The following TGFBR2 variants were observed in gnomAD, a reference collection of about 807,000 sequenced individuals.
TGFBR2 encodes TGF-beta receptor type-2.
TGFBR2 carries 18 observed loss-of-function variants against 49.0 expected under a neutral mutation model. That is an observed-to-expected ratio of 0.37 (90% CI 0.25 to 0.54). The LOEUF (loss-of-function observed/expected upper bound fraction) is 0.54, where lower values mean the gene tolerates loss of function less well. Among genes scored for constraint, TGFBR2 ranks in the 20% least tolerant of loss-of-function variants. TGFBR2 has a pLI of 0.85. For missense variants in TGFBR2, 525 were observed against 722.6 expected (o/e 0.73, Z 3.13); for synonymous variants, 282 against 275.9 (o/e 1.02, Z -0.22).
intron 3 of TGFBR2, among the ~76,000 whole-genome samples, chr3:30,667,142 G>C (rs1452088256): frequency 6.6e-6 from 1 of 152,172 alleles, no homozygotes; most frequent in East Asian, 1.9e-4. Context: ...AATAATAGCA[G>C]TTTCTACCTC....
intron 3 of TGFBR2, among the ~76,000 whole-genome samples, chr3:30,657,540 G>A (rs929852464): frequency 2.0e-5 from 3 of 152,144 alleles, no homozygotes; most frequent in African/African-American, 7.2e-5. Flanking sequence ...TGAAAAATGG[G>A]AGTAGAAATA....
At chr3:30,654,583 A>G (rs1439897892) in intron 3 of TGFBR2, among the ~76,000 whole-genome samples, 4 of 152,196 alleles carry the variant, frequency 2.6e-5, no homozygotes, top group Non-Finnish European at 5.9e-5. Flanking sequence ...TAAGGAAATC[A>G]GAGTCTATCC....
chr3:30,606,855 T>G lies in TGFBR2; in HGVS notation c.-29T>G. Reference sequence around the variant, plus strand: ...AGGCGCCGTCCGCTGCGCTGGGGGCTCGGTCTATGACGAGCAGCGGGGTCT... The same window carrying G: ...AGGCGCCGTCCGCTGCGCTGGGGGCGCGGTCTATGACGAGCAGCGGGGTCT... On this transcript the variant is annotated 5_prime_UTR_variant, in exon 1 of 7. Coordinates refer to ENST00000295754, the MANE Select transcript of TGFBR2 (RefSeq NM_003242.6). 2 of 1,392,438 alleles carry G rather than the reference T, an allele frequency of 1.4e-6. No homozygotes were observed. The highest frequency in any genetic ancestry group is 9.5e-7 in the Non-Finnish European group (1 of 1,050,986). The allele number at this position is 1,392,438 out of a possible 1,614,324, so 86.3% of individuals were successfully genotyped here.
chr3:30,672,816 T>G lies in TGFBR2; in HGVS notation c.1254+379T>G, dbSNP rs1367287449. On this transcript the variant is annotated intron_variant, in intron 4 of 6. Transcript: ENST00000295754. The surrounding 1 kb of genome is among the most constrained non-coding windows in gnomAD (Gnocchi z 4.5). Reference sequence around the variant, plus strand: ...TGCTCTATACTAGCTGTAGTTGTGTTGGTTTCTTTGTATTAAAAGCATCGT... The same window carrying G: ...TGCTCTATACTAGCTGTAGTTGTGTGGGTTTCTTTGTATTAAAAGCATCGT... Among the ~76,000 whole-genome samples the G allele has an allele frequency of 6.6e-6, 1 of 152,252 alleles. No homozygotes were observed. The highest frequency in any genetic ancestry group is 2.4e-5 in the African/African-American group (1 of 41,464).
At position 30,671,753 on chromosome 3, in the gene TGFBR2, C is replaced by G. The variant is rs143775631; in HGVS notation, c.570C>G (p.Arg190=). 1 of 1,614,090 alleles carries G rather than the reference C, an allele frequency of 6.2e-7. No homozygotes were observed. Among genetic ancestry groups the G allele is most frequent in the African/African-American group, 1.3e-5 (1 of 74,936 alleles). The part of the protein sequence containing the change: ...ISVIIIFYCY[R]VNRQQKLSST... The stretch of plus-strand genomic sequence containing the variant: ...TCATCATCATCTTCTACTGCTACCG[C>G]GTTAACCGGCAGCAGAAGCTGAGTT... The change falls in exon 4 of 7, where the codon CGC becomes CGG. Residue 190 remains arginine, a synonymous_variant. Transcript: ENST00000295754.
chr3:30,628,528 GTTTTTTTTTTT>G (rs569832149), intron 1 of TGFBR2, among the ~76,000 whole-genome samples: 34 of 80,200 alleles, frequency 4.2e-4, no homozygotes, highest in African/African-American at 8.8e-4. Flanking sequence ...AAGCCTGTGG[GTTTTTTTTTTT>G]TTTTTTTTTT....
At chr3:30,644,101 A>G (rs929777708) in intron 1 of TGFBR2, among the ~76,000 whole-genome samples, 2 of 152,194 alleles carry the variant, frequency 1.3e-5, no homozygotes, top group African/African-American at 4.8e-5. Flanking sequence ...TAGTTAATCA[A>G]TTGATTTGCC....
rs2125438921 is a variant in TGFBR2 at position 30,674,146 on chromosome 3, C to G, written c.1296C>G (p.Ser432=). Residue 432 remains serine, a synonymous_variant, in exon 5 of 7, where the codon TCC becomes TCG. Transcript: ENST00000295754. The stretch of plus-strand genomic sequence containing the variant: ...ACATGGCTCCAGAAGTCCTAGAATC[C>G]AGGATGAATTTGGAGAATGTTGAGT... ...ARYMAPEVLE[S]RMNLENVESF... The G allele has an allele frequency of 6.2e-7, 1 of 1,614,066 alleles. No homozygotes were observed. Among genetic ancestry groups the G allele is most frequent in the African/African-American group, 1.3e-5 (1 of 75,016 alleles).
At position 30,669,121 on chromosome 3, in the gene TGFBR2, C is replaced by CAAAAAAAAAAAAAAAAAAAA. The variant is rs56069409; in HGVS notation, c.455-2505_455-2486dup. Among the ~76,000 whole-genome samples the CAAAAAAAAAAAAAAAAAAAA allele has an allele frequency of 1.1e-4, 9 of 83,476 alleles. 2 individuals are homozygous for CAAAAAAAAAAAAAAAAAAAA. Among genetic ancestry groups the CAAAAAAAAAAAAAAAAAAAA allele is most frequent in the African/African-American group, 4.4e-4 (8 of 18,300 alleles). 54.8% of individuals were successfully genotyped at this position (83,476 alleles called of 152,430 possible). ...TGAAACCCCGTCTCCACTAAAAATA[C>CAAAAAAAAAAAAAAAAAAAA]AAAAAAAAAAAAAAAAAAAAAAAAA... is the stretch of plus-strand genomic sequence containing the variant. On this transcript the variant is annotated intron_variant, in intron 3 of 6. Transcript: ENST00000295754.
At chr3:30,658,535 A>G (rs1387339015) in intron 3 of TGFBR2, among the ~76,000 whole-genome samples, 1 of 152,212 alleles carries the variant, frequency 6.6e-6, no homozygotes, top group Admixed American at 6.5e-5. Flanking sequence ...ATAGGGAAGC[A>G]GACCATAAGA....
At chr3:30,678,929 G>A (rs968828962) in intron 5 of TGFBR2, among the ~76,000 whole-genome samples, 1 of 152,202 alleles carries the variant, frequency 6.6e-6, no homozygotes, top group African/African-American at 2.4e-5. Flanking sequence ...ACTGAATGAA[G>A]TAGGATACAA....
At chr3:30,653,250 C>CTTTTT (rs3076740) in intron 3 of TGFBR2, among the ~76,000 whole-genome samples, 1,622 of 113,342 alleles carry the variant, frequency 0.014, 65 homozygotes, top group Middle Eastern at 0.029. Flanking sequence ...GGAATGAAAA[C>CTTTTT]TTTTTTTTTT....
intron 1 of TGFBR2, among the ~76,000 whole-genome samples, chr3:30,613,326 C>T (rs903228507): frequency 6.6e-6 from 1 of 151,992 alleles, no homozygotes; most frequent in Admixed American, 6.6e-5. Context: ...GCCTTCCAGT[C>T]TTACTCTCTT....
At chr3:30,618,197 T>C (rs899160358) in intron 1 of TGFBR2, among the ~76,000 whole-genome samples, 4 of 151,938 alleles carry the variant, frequency 2.6e-5, no homozygotes, top group Non-Finnish European at 2.9e-5. Context: ...TGGTGAACTG[T>C]AGAACCCAAG....
intron 1 of TGFBR2, among the ~76,000 whole-genome samples, chr3:30,632,762 C>T (rs12490899): frequency 0.06 from 9,143 of 152,164 alleles, 472 homozygotes; most frequent in East Asian, 0.27. Flanking sequence ...AGCATGTTTG[C>T]TCTTCATCAT....
intron 3 of TGFBR2, among the ~76,000 whole-genome samples, chr3:30,665,511 T>G (rs1575154845): frequency 6.6e-6 from 1 of 152,222 alleles, no homozygotes; most frequent in East Asian, 1.9e-4. Flanking sequence ...ATCTTTCTTA[T>G]TGTTACAAGA....
In TGFBR2 at chr3:30,606,819, G is replaced by T; in HGVS notation, c.-65G>T. On this transcript the variant is annotated 5_prime_UTR_variant, in exon 1 of 7. It adds an upstream start codon to the 5' untranslated region. Transcript: ENST00000295754. ...AGGGCGCGGCGCGGAGGCGCAGCCA[G>T]GGGTCCGGGAAGGCGCCGTCCGCTG... 2.5e-6 allele frequency: 3 copies of T among 1,186,850 alleles called. No individual in the cohort carries two copies. The highest frequency in any genetic ancestry group is 3.3e-6 in the Non-Finnish European group (3 of 916,084). 73.5% of individuals were successfully genotyped at this position (1,186,850 alleles called of 1,614,324 possible).
rs863223856 is a variant in TGFBR2 at position 30,671,943 on chromosome 3, C to T, written c.760C>T (p.Arg254Cys). The change falls in exon 4 of 7, where the codon CGC (arginine) becomes TGC (cysteine). Residue 254 changes from arginine (R) to cysteine (C), a missense_variant. Physicochemically the swap from Arg to Cys is radical, Grantham distance 180 (BLOSUM62 -3). Around this residue, in one of 3 missense-constraint regions of TGFBR2, gnomAD observed 376 missense variants for 478.2 expected, o/e 0.79. Transcript: ENST00000295754. Reference protein sequence around the residue: ...IELDTLVGKGRFAEVYKAKLK... With the variant: ...IELDTLVGKGCFAEVYKAKLK... The stretch of plus-strand genomic sequence containing the variant: ...GCTGGACACCCTGGTGGGGAAAGGT[C>T]GCTTTGCTGAGGTCTATAAGGCCAA... 2 of 1,614,142 alleles carry T rather than the reference C, an allele frequency of 1.2e-6. No homozygotes were observed. The highest frequency in any genetic ancestry group is 1.1e-5 in the South Asian group (1 of 91,082).
intron 4 of TGFBR2, among the ~76,000 whole-genome samples, chr3:30,673,064 T>C (rs1699371907): frequency 6.6e-6 from 1 of 152,230 alleles, no homozygotes; most frequent in African/African-American, 2.4e-5. Flanking sequence ...ATGAGCCCAG[T>C]GTTTTCACAC....
Sources: gnomAD v4.1 joint callset for allele counts (sites outside exome capture counted in the v4.1 genomes callset) on GRCh38, gnomAD v4.1.1 for gene constraint, gnomAD v4.1.1 regional missense constraint, Gnocchi (gnomAD v3.1) non-coding constraint, MANE v1.5 for transcripts, NCBI Gene and HGNC (gene_info 2026-07-23, HGNC 2026-07-21) for gene names.